RFX3: variants seen among roughly 807,000 people sequenced by gnomAD.
The protein encoded by RFX3 is regulatory factor X3.
In RFX3, 14 loss-of-function variants were observed where a neutral mutation model predicts 98.6. The ratio of observed to expected loss-of-function variants is 0.14; its 90% CI spans 0.09 to 0.22. The LOEUF (loss-of-function observed/expected upper bound fraction) is 0.22, where lower values mean the gene tolerates loss of function less well. Among genes scored for constraint, RFX3 ranks in the 10% least tolerant of loss-of-function variants. RFX3 has a pLI of 1.00. For missense variants in RFX3, 639 were observed against 926.9 expected (o/e 0.69, Z 4.03); for synonymous variants, 383 against 328.4 (o/e 1.17, Z -1.80).
intron 2 of RFX3, among the ~76,000 whole-genome samples, chr9:3,378,903 G>C (rs1170534913): frequency 6.6e-6 from 1 of 152,102 alleles, no homozygotes; most frequent in African/African-American, 2.4e-5. Context: ...CTAGAATAGA[G>C]ATGCTCCATT....
At chr9:3,484,652 G>T (rs968511434) in intron 1 of RFX3, among the ~76,000 whole-genome samples, 1 of 152,200 alleles carries the variant, frequency 6.6e-6, no homozygotes, top group Admixed American at 6.5e-5. Context: ...ACAACTCTGT[G>T]TAGCTTTCTT....
intron 15 of RFX3, chr9:3,247,464 G>T: frequency 3.0e-6 from 2 of 667,400 alleles, no homozygotes; most frequent in Non-Finnish European, 3.8e-6. Flanking sequence ...AACCTCGGAT[G>T]CTTATTGTAA....
intron 2 of RFX3, among the ~76,000 whole-genome samples, chr9:3,383,652 T>C (rs1839422335): frequency 6.6e-6 from 1 of 152,136 alleles, no homozygotes; most frequent in African/African-American, 2.4e-5. Context: ...TCCAGTTTGC[T>C]TTAAATAGAA....
chr9:3,385,335 T>C (rs185600052), intron 2 of RFX3, among the ~76,000 whole-genome samples: 16 of 152,238 alleles, frequency 1.1e-4, no homozygotes, highest in East Asian at 7.7e-4. Context: ...AGGAAAGAAA[T>C]TGTATGTCTC....
intron 2 of RFX3, among the ~76,000 whole-genome samples, chr9:3,362,614 CA>C (rs1305060589): frequency 3.3e-5 from 5 of 152,192 alleles, no homozygotes; most frequent in Non-Finnish European, 5.9e-5. Flanking sequence ...TTGCTATAGG[CA>C]ACTCTAACTT....
intron 4 of RFX3, among the ~76,000 whole-genome samples, chr9:3,326,550 C>G (rs1219784595): frequency 6.6e-6 from 1 of 152,114 alleles, no homozygotes; most frequent in East Asian, 1.9e-4. Context: ...GTATTCTCAT[C>G]ATTTAGCTTC....
chr9:3,235,209 G>C (rs1418210907), intron 15 of RFX3, among the ~76,000 whole-genome samples: 1 of 152,198 alleles, frequency 6.6e-6, no homozygotes, highest in Non-Finnish European at 1.5e-5. Flanking sequence ...CTCCAATTTG[G>C]GTGGCAGGTG....
rs1037785113 is a variant in RFX3 at position 3,224,151 on chromosome 9, A to G, written c.*891T>C. 2.0e-5 allele frequency: 3 copies of G among 152,116 alleles called. No homozygotes were observed. The highest frequency in any genetic ancestry group is 7.2e-5 in the African/African-American group (3 of 41,432). The allele number at this position is 152,116 out of a possible 1,614,324, so 9.4% of individuals were successfully genotyped here. A position where few individuals can be genotyped will look rare whatever the true frequency, so the allele number is the denominator to read the frequency against. The stretch of plus-strand genomic sequence containing the variant: ...TGGTTTCCTGTATGTCCAGCTCAGC[A>G]TAAGTAGCATGTACACTTAAAAAAA... On this transcript the variant is annotated 3_prime_UTR_variant, in exon 17 of 17. Transcript: ENST00000617270.
At chr9:3,262,494 G>C (rs1823043075) in intron 13 of RFX3, among the ~76,000 whole-genome samples, 1 of 152,108 alleles carries the variant, frequency 6.6e-6, no homozygotes, top group Non-Finnish European at 1.5e-5. Context: ...CAACAAAATA[G>C]AAATATCTCT....
rs372520160 is a variant in RFX3, at chr9:3,266,190, C to A, written c.1455+18G>T. The A allele has an allele frequency of 5.2e-5, 76 of 1,448,286 alleles. No individual in the cohort carries two copies. Among genetic ancestry groups the A allele is most frequent in the Non-Finnish European group, 6.7e-5 (70 of 1,041,650 alleles). 89.7% of individuals were successfully genotyped at this position (1,448,286 alleles called of 1,614,324 possible). The stretch of plus-strand genomic sequence containing the variant: ...AATTTCCTCAACACAAAAGAAAAAG[C>A]AAGGACATAAAGTATACCTTGGTTT... On this transcript the variant is annotated intron_variant, in intron 12 of 16. Coordinates refer to ENST00000617270, the MANE Select transcript of RFX3 (RefSeq NM_001282116.2).
chr9:3,343,623 C>G (rs963088732), intron 3 of RFX3, among the ~76,000 whole-genome samples: 1 of 152,162 alleles, frequency 6.6e-6, no homozygotes, highest in African/African-American at 2.4e-5. Flanking sequence ...CTTATGGTCG[C>G]TAGTTGCTAA....
intron 1 of RFX3, among the ~76,000 whole-genome samples, chr9:3,481,413 C>T (rs895901718): frequency 6.6e-6 from 1 of 151,894 alleles, no homozygotes; most frequent in Non-Finnish European, 1.5e-5. Context: ...TCATAGCAAA[C>T]ACATCTAACT....
chr9:3,383,496 T>C (rs1017940499), intron 2 of RFX3, among the ~76,000 whole-genome samples: 1 of 151,844 alleles, frequency 6.6e-6, no homozygotes, highest in African/African-American at 2.4e-5. Context: ...TCTCTGGAAG[T>C]AGAGCTTAAG....
intron 1 of RFX3, among the ~76,000 whole-genome samples, chr9:3,396,582 T>C (rs1484134322): frequency 6.6e-6 from 1 of 152,062 alleles, no homozygotes; most frequent in Non-Finnish European, 1.5e-5. Flanking sequence ...GGTCAAATGG[T>C]ATTTCTAGTT....
intron 1 of RFX3, among the ~76,000 whole-genome samples, chr9:3,410,153 G>A (rs1471859722): frequency 7.0e-6 from 1 of 143,496 alleles, no homozygotes; most frequent in Non-Finnish European, 1.5e-5. Context: ...GATTTCAAGT[G>A]AGATAAACTG....
At chr9:3,424,319 CAGTAG>C in intron 1 of RFX3, among the ~76,000 whole-genome samples, 1 of 145,756 alleles carries the variant, frequency 6.9e-6, no homozygotes, top group East Asian at 2.0e-4. Flanking sequence ...GGAATAGCAA[CAGTAG>C]AGTCACTGTA....
rs141078217 is a variant in RFX3 at position 3,463,067 on chromosome 9, G to T, written c.-9+62680C>A. Reference sequence around the variant, plus strand: ...TTAAAAATGTATATGAAAATGTAGAGGACATAAGGTAACCAAAACACTTTT... The same window carrying T: ...TTAAAAATGTATATGAAAATGTAGATGACATAAGGTAACCAAAACACTTTT... On this transcript the variant is annotated intron_variant, in intron 1 of 16. Coordinates refer to ENST00000617270, the MANE Select transcript of RFX3 (RefSeq NM_001282116.2). Among the ~76,000 whole-genome samples, 782 of 152,128 alleles carry T rather than the reference G, an allele frequency of 5.1e-3. 11 individuals carry two copies. Among genetic ancestry groups the T allele is most frequent in the Admixed American group, 7.9e-3 (120 of 15,282 alleles).
chr9:3,325,431 G>T (rs1312909374), intron 4 of RFX3, among the ~76,000 whole-genome samples: 1 of 151,906 alleles, frequency 6.6e-6, no homozygotes, highest in African/African-American at 2.4e-5. Context: ...ATCAAAAGAG[G>T]TGGGAATATG....
chr9:3,383,094 C>T lies in RFX3; in HGVS notation c.117+12378G>A, dbSNP rs977953908. On this transcript the variant is annotated intron_variant, in intron 2 of 16. Coordinates refer to ENST00000617270, the MANE Select transcript of RFX3 (RefSeq NM_001282116.2). ...TCCTAGAAAAATTGCAAGAATTATACAAAATATTCCTTTCCGCAGATTACC... is the reference window on the plus strand; with the variant it reads ...TCCTAGAAAAATTGCAAGAATTATATAAAATATTCCTTTCCGCAGATTACC... Among the ~76,000 whole-genome samples, 30 of 152,130 alleles carry T rather than the reference C, an allele frequency of 2.0e-4. No homozygotes were observed. The East Asian group carries it at 5.4e-3, about 27-fold the overall frequency.
Sources: allele counts gnomAD v4.1 joint callset (sites outside exome capture counted in the v4.1 genomes callset), GRCh38; gene constraint gnomAD v4.1.1; transcripts MANE v1.5; gene names NCBI Gene and HGNC (gene_info 2026-07-23, HGNC 2026-07-21).